EFHC2: variants seen among roughly 807,000 people sequenced by gnomAD.
EFHC2 encodes the protein EF-hand domain-containing family member C2.
Under a neutral mutation model 52.7 loss-of-function variants are expected in EFHC2, and 18 were observed. That is an observed-to-expected ratio of 0.34 (90% CI 0.24 to 0.51). EFHC2 has a LOEUF of 0.51. Among genes scored for constraint, EFHC2 ranks in the 20% least tolerant of loss-of-function variants. EFHC2 has a pLI of 0.97. For synonymous variants in EFHC2, 203 were observed against 204.1 expected (o/e 0.99, Z 0.04); for missense variants, 513 against 562.5 (o/e 0.91, Z 0.89).
chrX:44,341,443 ATATTT>A (rs910426695), intron 1 of EFHC2, among the ~76,000 whole-genome samples: 13 of 112,331 alleles, frequency 1.2e-4, no homozygotes, highest in Admixed American at 4.7e-4. Context: ...AGAACAGGTC[ATATTT>A]TATTTTATTT....
At chrX:44,292,506 C>T (rs1294125531) in intron 2 of EFHC2, among the ~76,000 whole-genome samples, 1 of 111,927 alleles carries the variant, frequency 8.9e-6, no homozygotes, top group Admixed American at 9.5e-5. Flanking sequence ...ACTATCTCAG[C>T]CACTCATATG....
At chrX:44,342,045 T>G (rs1435064305) in intron 1 of EFHC2, among the ~76,000 whole-genome samples, 1 of 112,142 alleles carries the variant, frequency 8.9e-6, no homozygotes, top group Non-Finnish European at 1.9e-5. Flanking sequence ...GCATGCTTCT[T>G]TACTTCTGGA....
intron 10 of EFHC2, among the ~76,000 whole-genome samples, chrX:44,231,300 C>T (rs1208853428): frequency 3.6e-5 from 4 of 111,854 alleles, no homozygotes; most frequent in Non-Finnish European, 5.7e-5. Context: ...AAGCTGTTCC[C>T]ACCCAATGAC....
intron 11 of EFHC2, among the ~76,000 whole-genome samples, chrX:44,223,045 T>C (rs1042822432): frequency 8.9e-6 from 1 of 112,212 alleles, no homozygotes; most frequent in Non-Finnish European, 1.9e-5. Context: ...ATCTTTTAAA[T>C]AGCCTTTCTA....
Position 44,261,264 on chromosome X carries a change from C to T in EFHC2, c.417G>A (p.Pro139=), listed in dbSNP as rs374262479. 519 of 1,195,544 alleles carry T rather than the reference C, an allele frequency of 4.3e-4. No individual in the cohort carries two copies. Among genetic ancestry groups the T allele is most frequent in the Non-Finnish European group, 4.5e-4 (396 of 886,529 alleles). The change falls in exon 4 of 15, where the codon CCG becomes CCA. Residue 139 remains proline (P), a synonymous_variant. Coordinates refer to ENST00000420999, the MANE Select transcript of EFHC2 (RefSeq NM_025184.4). ...TATAAAACTGATCCTCATCAGGAGG[C>T]GGAAGAGTAATCCGATGACGCCGGA... ...TSIRRHRITL[P]PPDEDQFYTV...
chrX:44,244,557 G>A (rs886708020), intron 7 of EFHC2, among the ~76,000 whole-genome samples: 29 of 112,286 alleles, frequency 2.6e-4, no homozygotes, highest in African/African-American at 9.1e-4. Flanking sequence ...CTAATTCCAA[G>A]TGACTTGTCA....
intron 14 of EFHC2, among the ~76,000 whole-genome samples, chrX:44,159,068 G>A (rs866243558): frequency 8.9e-6 from 1 of 112,455 alleles, no homozygotes; most frequent in African/African-American, 3.2e-5. Context: ...TCAGGACAAC[G>A]CTGAAAAGAC....
intron 2 of EFHC2, among the ~76,000 whole-genome samples, chrX:44,307,347 G>A (rs1158927986): frequency 8.0e-5 from 9 of 112,122 alleles, no homozygotes; most frequent in Non-Finnish European, 1.7e-4. Flanking sequence ...AGTTGAAAAC[G>A]TCTTTTATTT....
At chrX:44,332,573 T>C (rs746987209) in intron 1 of EFHC2, among the ~76,000 whole-genome samples, 45 of 111,571 alleles carry the variant, frequency 4.0e-4, no homozygotes, top group Non-Finnish European at 4.9e-4. Context: ...GGCTCTGCCC[T>C]TTCTGCAACT....
chrX:44,249,579 G>A (rs934773420), intron 5 of EFHC2, among the ~76,000 whole-genome samples: 2 of 110,846 alleles, frequency 1.8e-5, no homozygotes, highest in Non-Finnish European at 3.8e-5. Flanking sequence ...GGCTGTTTCT[G>A]CTGCACCCAA....
Position 44,177,284 on chromosome X carries a change from C to CAAAGAGGAT in EFHC2, c.1950-909_1950-901dup, listed in dbSNP as rs1408870440. Among the ~76,000 whole-genome samples the CAAAGAGGAT allele has an allele frequency of 7.2e-5, 8 of 111,863 alleles. No homozygotes were observed. In the Admixed American group the frequency reaches 7.6e-4, roughly 11 times the overall value. Reference sequence around the variant, plus strand: ...GAAAAATACCATCTTTATAAAAACTCAAAGAGGATGCATTATGGATTAATA... The same window carrying CAAAGAGGAT: ...GAAAAATACCATCTTTATAAAAACTCAAAGAGGATAAAGAGGATGCATTATGGATTAATA... On this transcript the variant is annotated intron_variant, in intron 12 of 14. Coordinates refer to ENST00000420999, the MANE Select transcript of EFHC2 (RefSeq NM_025184.4).
At chrX:44,266,035 C>T (rs2037574236) in intron 3 of EFHC2, among the ~76,000 whole-genome samples, 3 of 111,859 alleles carry the variant, frequency 2.7e-5, no homozygotes, top group African/African-American at 9.8e-5. Flanking sequence ...TGCATGACCA[C>T]CTTCTTGCCC....
At chrX:44,246,722 A>C (rs897906063) in intron 7 of EFHC2, among the ~76,000 whole-genome samples, 3 of 111,566 alleles carry the variant, frequency 2.7e-5, no homozygotes, top group Non-Finnish European at 5.6e-5. Flanking sequence ...CAACATACTA[A>C]GTCCCACCAG....
At chrX:44,199,105 G>T (rs1216384246) in intron 11 of EFHC2, among the ~76,000 whole-genome samples, 1 of 112,788 alleles carries the variant, frequency 8.9e-6, no homozygotes, top group African/African-American at 3.2e-5. Context: ...CGTTGGAGGT[G>T]GGGCCTGGTG....
intron 2 of EFHC2, chrX:44,309,769 GA>G: frequency 2.0e-6 from 2 of 998,759 alleles, no homozygotes; most frequent in Non-Finnish European, 2.8e-6. Flanking sequence ...AAAAGAACCA[GA>G]AAAGAAGATG....
intron 4 of EFHC2, among the ~76,000 whole-genome samples, chrX:44,254,061 G>C (rs1413746074): frequency 8.9e-6 from 1 of 112,090 alleles, no homozygotes; most frequent in Non-Finnish European, 1.9e-5. Context: ...CAAACAGAAA[G>C]GAATAGCATC....
chrX:44,187,135 G>GTGTATATATATATA lies in EFHC2; in HGVS notation c.1752-8572_1752-8571insTATATATATATACA, dbSNP rs1556001678. 3.1e-4 allele frequency among the ~76,000 whole-genome samples: 19 copies of GTGTATATATATATA among 61,751 alleles called. 2 individuals carry two copies. The highest frequency in any genetic ancestry group is 1.6e-3 in the African/African-American group (19 of 12,156). The allele number at this position is 61,751 out of a possible 115,157, so 53.6% of individuals were successfully genotyped here. ...CCATGTCTCAAAGGAAAACAAAATG[G>GTGTATATATATATA]TATATATATATATATATGGGCTTTA... On this transcript the variant is annotated intron_variant, in intron 11 of 14. Coordinates refer to ENST00000420999, the MANE Select transcript of EFHC2 (RefSeq NM_025184.4).
intron 13 of EFHC2, among the ~76,000 whole-genome samples, chrX:44,174,668 A>G (rs1602134835): frequency 1.1e-5 from 1 of 94,992 alleles, no homozygotes; most frequent in African/African-American, 4.1e-5. Flanking sequence ...GGGAGGGGGA[A>G]GGCAGGAGGT....
intron 11 of EFHC2, among the ~76,000 whole-genome samples, chrX:44,203,643 G>C (rs759237904): frequency 4.5e-5 from 5 of 111,242 alleles, no homozygotes; most frequent in Non-Finnish European, 9.4e-5. Flanking sequence ...CTGGAATGCA[G>C]TCATATGGTC....
Sources: gnomAD v4.1 joint callset for allele counts (sites outside exome capture counted in the v4.1 genomes callset) on GRCh38, gnomAD v4.1.1 for gene constraint, MANE v1.5 for transcripts, NCBI Gene and HGNC (gene_info 2026-07-23, HGNC 2026-07-21) for gene names.